Variants in LPIN2 observed in about 807,000 individuals in gnomAD.
LPIN2 encodes phosphatidate phosphatase LPIN2.
In LPIN2, 55 loss-of-function variants were observed where a neutral mutation model predicts 111.4. The ratio of observed to expected loss-of-function variants is 0.49; its 90% CI spans 0.40 to 0.62. The LOEUF (loss-of-function observed/expected upper bound fraction) is 0.62, where lower values mean the gene tolerates loss of function less well. Among genes scored for constraint, LPIN2 ranks in the 20% least tolerant of loss-of-function variants. LPIN2 has a pLI of 0.00. For synonymous variants in LPIN2, 425 were observed against 414.0 expected (o/e 1.03, Z -0.32); for missense variants, 992 against 1,112.1 (o/e 0.89, Z 1.54).
rs1446682389 is a variant in LPIN2 at position 2,927,785 on chromosome 18, G to C, written c.1647C>G (p.Asp549Glu). ...PKATVESWVKDKMPKKSGRWW... is the reference protein window; with the variant it reads ...PKATVESWVKEKMPKKSGRWW... Reference sequence around the variant, plus strand: ...AGCGACCAGATTTCTTTGGCATCTTGTCTTTCACCCAGGACTCAACTGTGG... The same window carrying C: ...AGCGACCAGATTTCTTTGGCATCTTCTCTTTCACCCAGGACTCAACTGTGG... Residue 549 changes from aspartate (D) to glutamate (E), a missense_variant, in exon 12 of 20, where the codon GAC (aspartate) becomes GAG (glutamate). This residue lies in a region of LPIN2 where 709 missense variants were observed against 753.2 expected (regional missense o/e 0.94). Transcript: ENST00000677752. 4 of 1,614,070 alleles carry C rather than the reference G, an allele frequency of 2.5e-6. No individual in the cohort carries two copies. The African/African-American group carries it at 4.0e-5, about 16-fold the overall frequency.
chr18:3,006,563 C>A (rs573921466), intron 1 of LPIN2, among the ~76,000 whole-genome samples: 5 of 152,022 alleles, frequency 3.3e-5, no homozygotes, highest in African/African-American at 1.2e-4. Context: ...ATGGGCCGGG[C>A]GCAGCGGCTC....
intron 1 of LPIN2, among the ~76,000 whole-genome samples, chr18:2,992,386 G>C (rs573690581): frequency 6.6e-6 from 1 of 152,204 alleles, no homozygotes; most frequent in Non-Finnish European, 1.5e-5. Context: ...ATAAAAGGTA[G>C]ATTAGAGGTT....
chr18:2,934,521 G>T, intron 7 of LPIN2, 71 bp from the exon 8 acceptor site: 1 of 953,170 alleles, frequency 1.0e-6, no homozygotes, highest in Non-Finnish European at 1.7e-6. Context: ...ACACACGCAC[G>T]TTTGCAAACA....
At chr18:2,974,105 G>GT (rs1202983087) in intron 1 of LPIN2, among the ~76,000 whole-genome samples, 3 of 152,030 alleles carry the variant, frequency 2.0e-5, no homozygotes, top group Non-Finnish European at 4.4e-5. Flanking sequence ...GTTTTGTTTT[G>GT]TTTTTTTGAG....
chr18:2,955,002 TC>T (rs1426925386), intron 2 of LPIN2, among the ~76,000 whole-genome samples: 1 of 152,144 alleles, frequency 6.6e-6, no homozygotes, highest in African/African-American at 2.4e-5. Context: ...AGCAACTGCA[TC>T]AAGTACAACT....
chr18:2,919,678 A>G lies in LPIN2; in HGVS notation c.*615T>C, dbSNP rs1358128601. On this transcript the variant is annotated 3_prime_UTR_variant, in exon 20 of 20. Transcript: ENST00000677752. ...ATGCTCTGTGGGGATCTTTCCCCAA[A>G]GAGGGCCAGGTTTATGGGACTGGGC... is the stretch of plus-strand genomic sequence containing the variant. The G allele has an allele frequency of 6.3e-6, 1 of 158,598 alleles. No individual in the cohort carries two copies. The allele number at this position is 158,598 out of a possible 1,614,324, so 9.8% of individuals were successfully genotyped here.
rs2077121481 is a variant in LPIN2, at chr18:2,925,723, C to T, written c.1794-355G>A. 6.6e-6 allele frequency among the ~76,000 whole-genome samples: 1 copy of T among 152,194 alleles called. No homozygotes were observed. The highest frequency in any genetic ancestry group is 2.4e-5 in the African/African-American group (1 of 41,450). ...TCGCTTACAATGATTTAACAAACTC[C>T]GGCTGGGTGCGGTGCCTCACACCTG... is the stretch of plus-strand genomic sequence containing the variant. On this transcript the variant is annotated intron_variant, in intron 13 of 19. Coordinates refer to ENST00000677752, the MANE Select transcript of LPIN2 (RefSeq NM_001375808.2). The surrounding 1 kb of genome is among the most constrained non-coding windows in gnomAD (Gnocchi z 4.1).
Position 2,939,474 on chromosome 18 carries a change from T to C in LPIN2, c.822+6A>G, listed in dbSNP as rs2077339700. 1.2e-6 allele frequency: 2 copies of C among 1,613,446 alleles called. No homozygotes were observed. The highest frequency in any genetic ancestry group is 1.7e-6 in the Non-Finnish European group (2 of 1,179,602). On this transcript the variant is annotated splice_donor_region_variant and intron_variant, in intron 6 of 19. Transcript: ENST00000677752. ...ACACTTTCCACAGGCAAGTAAACCCTAGTACCTTGGTGGACTCTGGGAATC... is the reference window on the plus strand; with the variant it reads ...ACACTTTCCACAGGCAAGTAAACCCCAGTACCTTGGTGGACTCTGGGAATC...
At chr18:2,941,631 CAAAG>C (rs1292158590) in intron 4 of LPIN2, among the ~76,000 whole-genome samples, 14 of 152,208 alleles carry the variant, frequency 9.2e-5, no homozygotes, top group South Asian at 4.1e-4. Flanking sequence ...AAGAAAAGCA[CAAAG>C]AAAGACTCTG....
chr18:2,989,958 A>G (rs116333535), intron 1 of LPIN2, among the ~76,000 whole-genome samples: 2,160 of 152,048 alleles, frequency 0.014, 70 homozygotes, highest in African/African-American at 0.049. Flanking sequence ...AAAACATTGT[A>G]GTACTGGCAT....
intron 16 of LPIN2, among the ~76,000 whole-genome samples, chr18:2,923,540 G>A (rs1390771136): frequency 6.6e-6 from 1 of 151,542 alleles, no homozygotes; most frequent in Non-Finnish European, 1.5e-5. Context: ...AGTTATAGAT[G>A]TAGGTAGTGC....
intron 1 of LPIN2, among the ~76,000 whole-genome samples, chr18:2,972,067 A>C (rs1336177156): frequency 6.6e-6 from 1 of 152,114 alleles, no homozygotes; most frequent in Non-Finnish European, 1.5e-5. Context: ...CAAAACAAAA[A>C]AACAAAAACA....
At chr18:2,978,071 C>T (rs2078049163) in intron 1 of LPIN2, among the ~76,000 whole-genome samples, 1 of 151,998 alleles carries the variant, frequency 6.6e-6, no homozygotes, top group Non-Finnish European at 1.5e-5. Context: ...CCTGTAGTCC[C>T]AGCTACTCAG....
At chr18:3,008,239 C>G (rs1003050684) in intron 1 of LPIN2, among the ~76,000 whole-genome samples, 1 of 152,118 alleles carries the variant, frequency 6.6e-6, no homozygotes, top group Non-Finnish European at 1.5e-5. Context: ...TCCAGGAGTT[C>G]GAGACCAGCC....
intron 1 of LPIN2, among the ~76,000 whole-genome samples, chr18:3,002,906 T>G (rs2078455866): frequency 6.6e-6 from 1 of 152,208 alleles, no homozygotes; most frequent in African/African-American, 2.4e-5. Context: ...GATTCCTCTA[T>G]GACACTATCA....
In LPIN2 at chr18:2,920,452, G is replaced by A. The variant is rs199648083; in HGVS notation, c.2547-15C>T. On this transcript the variant is annotated splice_polypyrimidine_tract_variant and intron_variant, in intron 19 of 19. Coordinates refer to ENST00000677752, the MANE Select transcript of LPIN2 (RefSeq NM_001375808.2). ...GCCTGTGATACCTAAGAGAAAGGTTGGGGAAGAGGCACAGGCTATTACTTC... is the reference window on the plus strand; with the variant it reads ...GCCTGTGATACCTAAGAGAAAGGTTAGGGAAGAGGCACAGGCTATTACTTC... 7 of 1,613,392 alleles carry A rather than the reference G, an allele frequency of 4.3e-6. No homozygotes were observed. The highest frequency in any genetic ancestry group is 5.9e-6 in the Non-Finnish European group (7 of 1,179,972).
chr18:2,993,095 T>C (rs747140279), intron 1 of LPIN2, among the ~76,000 whole-genome samples: 25 of 150,952 alleles, frequency 1.7e-4, no homozygotes, highest in Non-Finnish European at 3.2e-4. Flanking sequence ...CAGTAAGCCA[T>C]GATTGCACCA....
intron 2 of LPIN2, 115 bp from the exon 3 acceptor site, chr18:2,954,714 C>T: frequency 2.6e-6 from 2 of 781,556 alleles, no homozygotes; most frequent in Non-Finnish European, 4.4e-6. Flanking sequence ...GTTCCTAGAA[C>T]TACAGCCTCT....
chr18:3,006,860 C>A (rs1476866227), intron 1 of LPIN2, among the ~76,000 whole-genome samples: 1 of 151,514 alleles, frequency 6.6e-6, no homozygotes, highest in Non-Finnish European at 1.5e-5. Context: ...AGTAGCCAAG[C>A]ATGGTGGCGC....
Sources: allele counts gnomAD v4.1 joint callset (sites outside exome capture counted in the v4.1 genomes callset), GRCh38; gene constraint gnomAD v4.1.1; regional missense constraint gnomAD v4.1.1; non-coding constraint Gnocchi (gnomAD v3.1); transcripts MANE v1.5; gene names NCBI Gene and HGNC (gene_info 2026-07-23, HGNC 2026-07-21).